ZNF362: variants seen among roughly 807,000 people sequenced by gnomAD.
ZNF362 encodes zinc finger protein 362, also known as rotund homolog.
A neutral mutation model predicts 42.9 loss-of-function variants in ZNF362; 11 were observed. The ratio of observed to expected loss-of-function variants is 0.26; its 90% CI spans 0.16 to 0.42. ZNF362 has a LOEUF of 0.42. Ranked by LOEUF, ZNF362 falls within the 20% of genes least tolerant of loss-of-function variation. The pLI is 1.00. For missense variants in ZNF362, 362 were observed against 576.2 expected (o/e 0.63, Z 3.81); for synonymous variants, 255 against 257.3 (o/e 0.99, Z 0.09).
chr1:33,185,149 A>G, the ZNF362 span, among the ~76,000 whole-genome samples: 1 of 152,100 alleles, frequency 6.6e-6, no homozygotes, highest in Non-Finnish European at 1.5e-5. Context: ...CTTTCAGTAG[A>G]TAGTCTTAAT....
chr1:33,204,524 T>C, the ZNF362 span, among the ~76,000 whole-genome samples: 1 of 152,238 alleles, frequency 6.6e-6, no homozygotes, highest in Non-Finnish European at 1.5e-5. Context: ...CCATTGAAAC[T>C]TTCATAGGGA....
chr1:33,227,187 G>A, the ZNF362 span, among the ~76,000 whole-genome samples: 7 of 152,242 alleles, frequency 4.6e-5, no homozygotes, highest in Middle Eastern at 6.8e-3. Flanking sequence ...CGTATGGTAC[G>A]TGAATTATAT....
At chr1:33,259,526 G>A (rs1353931865) in intron 1 of ZNF362, among the ~76,000 whole-genome samples, 1 of 152,164 alleles carries the variant, frequency 6.6e-6, no homozygotes, top group African/African-American at 2.4e-5. Flanking sequence ...TCTGCCACGG[G>A]CTATTTTATT....
chr1:33,293,034 C>T (rs927620477), intron 6 of ZNF362, among the ~76,000 whole-genome samples: 1 of 152,216 alleles, frequency 6.6e-6, no homozygotes, highest in Admixed American at 6.5e-5. Context: ...TGGGGCCCGT[C>T]CCTGCCCTCG....
intron 1 of ZNF362, among the ~76,000 whole-genome samples, chr1:33,262,741 T>C (rs776226924): frequency 6.6e-6 from 1 of 152,166 alleles, no homozygotes; most frequent in African/African-American, 2.4e-5. Context: ...CACTATTACC[T>C]TTTCCATTAC....
the ZNF362 span, among the ~76,000 whole-genome samples, chr1:33,192,697 G>C: frequency 6.6e-6 from 1 of 152,138 alleles, no homozygotes; most frequent in Non-Finnish European, 1.5e-5. Flanking sequence ...TTGGTTAAGA[G>C]TGGTTGCTAA....
chr1:33,212,568 G>T, the ZNF362 span, among the ~76,000 whole-genome samples: 5 of 152,244 alleles, frequency 3.3e-5, no homozygotes, highest in African/African-American at 9.6e-5. Context: ...CTTGGCTTCT[G>T]GTGAGGCCTC....
the ZNF362 span, among the ~76,000 whole-genome samples, chr1:33,210,051 C>G: frequency 6.6e-6 from 1 of 152,104 alleles, no homozygotes; most frequent in Non-Finnish European, 1.5e-5. Context: ...CCTGCTTTCT[C>G]TTGTGGGTAT....
chr1:33,169,298 G>T, the ZNF362 span, among the ~76,000 whole-genome samples: 1 of 152,128 alleles, frequency 6.6e-6, no homozygotes, highest in Non-Finnish European at 1.5e-5. Context: ...CAGAAACCTC[G>T]GAGTGAGAGT....
chr1:33,295,056 G>GT, intron 7 of ZNF362, 41 bp downstream of exon 7: 2 of 1,611,168 alleles, frequency 1.2e-6, no homozygotes, highest in Non-Finnish European at 1.7e-6. Flanking sequence ...GTGCTCTGGT[G>GT]CCCCCCCACC....
chr1:33,237,800 C>G, the ZNF362 span, among the ~76,000 whole-genome samples: 620 of 152,278 alleles, frequency 4.1e-3, 8 homozygotes, highest in African/African-American at 0.014. Context: ...AGAGGTTTCT[C>G]TTTCTTTACT....
At chr1:33,209,858 T>C in the ZNF362 span, among the ~76,000 whole-genome samples, 1 of 152,172 alleles carries the variant, frequency 6.6e-6, no homozygotes, top group East Asian at 1.9e-4. Flanking sequence ...ATTTTGTTGA[T>C]CTTTTCAAAA....
the ZNF362 span, chr1:33,176,476 C>T: frequency 1.4e-6 from 1 of 693,336 alleles, no homozygotes; most frequent in Non-Finnish European, 2.6e-6. Context: ...GGAAGGGCTC[C>T]AATGGTCACA....
At chr1:33,237,902 G>C in the ZNF362 span, among the ~76,000 whole-genome samples, 54 of 152,294 alleles carry the variant, frequency 3.5e-4, no homozygotes, top group African/African-American at 1.2e-3. Context: ...TGAAATCTAT[G>C]AATCACTTCA....
the ZNF362 span, among the ~76,000 whole-genome samples, chr1:33,161,252 A>T: frequency 6.6e-6 from 1 of 152,136 alleles, no homozygotes. This position sits in a 1 kb window ranked among gnomAD's most constrained non-coding sequence, Gnocchi z 4.3. Flanking sequence ...CCGGGGCCTG[A>T]GGGATGGGCA....
chr1:33,138,289 A>G, the ZNF362 span, among the ~76,000 whole-genome samples: 1 of 152,182 alleles, frequency 6.6e-6, no homozygotes, highest in Non-Finnish European at 1.5e-5. Flanking sequence ...ATGGAATAAC[A>G]ATCTTTTATT....
At chr1:33,282,023 C>T (rs1645998411) in intron 6 of ZNF362, 5 of 588,562 alleles carry the variant, frequency 8.5e-6, no homozygotes, top group South Asian at 2.0e-5. Context: ...CATGCTGTGT[C>T]CTTTACCAGA....
the ZNF362 span, among the ~76,000 whole-genome samples, chr1:33,243,289 C>T: frequency 7.3e-5 from 11 of 151,416 alleles, no homozygotes; most frequent in African/African-American, 1.9e-4. Flanking sequence ...CCAGAGTAGC[C>T]GGGACCACAG....
At chr1:33,244,782 T>C in the ZNF362 span, among the ~76,000 whole-genome samples, 2 of 151,892 alleles carry the variant, frequency 1.3e-5, no homozygotes, top group African/African-American at 4.8e-5. The surrounding 1 kb of genome is among the most constrained non-coding windows in gnomAD (Gnocchi z 4.0). Context: ...TAAAAGGGAG[T>C]GGGGGCAAGG....
Sources: allele counts gnomAD v4.1 joint callset (sites outside exome capture counted in the v4.1 genomes callset), GRCh38; gene constraint gnomAD v4.1.1; non-coding constraint Gnocchi (gnomAD v3.1); transcripts MANE v1.5; gene names NCBI Gene and HGNC (gene_info 2026-07-23, HGNC 2026-07-21).